ACTN4: variants seen among roughly 807,000 people sequenced by gnomAD.
ACTN4 encodes actinin alpha 4, also known as alpha-actinin-4.
Under a neutral mutation model 114.2 loss-of-function variants are expected in ACTN4, and 18 were observed. The observed-to-expected ratio is 0.16, with a 90% CI of 0.11 to 0.23. ACTN4 has a LOEUF of 0.23. ACTN4 is among the 10% of genes least tolerant of loss of function. The pLI is 1.00. For synonymous variants in ACTN4, 515 were observed against 506.3 expected, an observed-to-expected ratio of 1.02 and a Z score of -0.23; for missense variants, 722 against 1,262.9, an observed-to-expected ratio of 0.57 and a Z score of 6.49.
chr19:38,681,916 C>G (rs909996788), intron 1 of ACTN4, among the ~76,000 whole-genome samples: 1 of 152,132 alleles, frequency 6.6e-6, no homozygotes, highest in South Asian at 2.1e-4. Flanking sequence ...CTGCAGCCTC[C>G]GCCTCCTGGG....
At chr19:38,709,297 C>T in intron 6 of ACTN4, 98 bp from the exon 7 acceptor site, 1 of 907,108 alleles carries the variant, frequency 1.1e-6, no homozygotes, top group Non-Finnish European at 1.9e-6. Context: ...CCAACCCTCG[C>T]CCTCCCGGGT....
chr19:38,728,052 C>G, intron 19 of ACTN4, 26 bp downstream of exon 19: 1 of 1,592,234 alleles, frequency 6.3e-7, no homozygotes, highest in East Asian at 2.3e-5. Context: ...CCCCAGCGGA[C>G]CATGGCATTA....
chr19:38,705,630 C>T (rs567640345), intron 4 of ACTN4, among the ~76,000 whole-genome samples: 1 of 152,330 alleles, frequency 6.6e-6, no homozygotes, highest in East Asian at 1.9e-4. Flanking sequence ...GCCCCCTAGG[C>T]CTCTCTACAG....
chr19:38,705,675 C>T (rs769140327), intron 4 of ACTN4, among the ~76,000 whole-genome samples: 20 of 152,330 alleles, frequency 1.3e-4, no homozygotes, highest in East Asian at 5.8e-4. Flanking sequence ...AGGCCAAGGC[C>T]GGTATCAAGG....
At position 38,672,045 on chromosome 19, in the gene ACTN4, G is replaced by A. The variant is rs563146150; in HGVS notation, c.162+24138G>A. Among the ~76,000 whole-genome samples the A allele has an allele frequency of 3.0e-4, 46 of 152,146 alleles. No individual in the cohort carries two copies. The East Asian group carries it at 6.4e-3, about 21-fold the overall frequency. The stretch of plus-strand genomic sequence containing the variant: ...CCACCCAGAAAAAGAGCTGGGCAGC[G>A]TAGACTTCATTGTCCTGCTGGCCTG... On this transcript the variant is annotated intron_variant, in intron 1 of 20. Coordinates refer to ENST00000252699, the MANE Select transcript of ACTN4 (RefSeq NM_004924.6).
chr19:38,692,171 C>T (rs895062029), intron 1 of ACTN4, among the ~76,000 whole-genome samples: 2 of 152,190 alleles, frequency 1.3e-5, no homozygotes, highest in East Asian at 1.9e-4. Context: ...GGACATAAGA[C>T]GCATTCCATA....
chr19:38,684,424 C>T (rs1338016855), intron 1 of ACTN4, among the ~76,000 whole-genome samples: 2 of 152,268 alleles, frequency 1.3e-5, no homozygotes, highest in African/African-American at 4.8e-5. Context: ...CCCAGTGCTG[C>T]CCCACCCTGG....
At position 38,730,966 on chromosome 19, in the gene ACTN4, T is replaced by C. The variant is rs1036089865; in HGVS notation, c.*1534T>C. On this transcript the variant is annotated 3_prime_UTR_variant, in exon 21 of 21. Coordinates refer to ENST00000252699, the MANE Select transcript of ACTN4 (RefSeq NM_004924.6). ...CCCTGTCCCTCCCACCTGGCTCACCTGTCTGTGGGTCAGGCAGATGACCCC... is the reference window on the plus strand; with the variant it reads ...CCCTGTCCCTCCCACCTGGCTCACCCGTCTGTGGGTCAGGCAGATGACCCC... 5.8e-6 allele frequency: 9 copies of C among 1,550,626 alleles called. No homozygotes were observed. The highest frequency in any genetic ancestry group is 4.1e-5 in the African/African-American group (3 of 73,062).
chr19:38,718,284 T>C (rs751871764), intron 11 of ACTN4: 2 of 884,224 alleles, frequency 2.3e-6, no homozygotes, highest in Non-Finnish European at 3.6e-6. Flanking sequence ...CCCAGCACTT[T>C]GGCAGGCCAA....
In ACTN4 at chr19:38,717,377, T is replaced by C; in HGVS notation, c.1143+61T>C. 3.8e-6 allele frequency: 6 copies of C among 1,574,604 alleles called. No homozygotes were observed. The highest frequency in any genetic ancestry group is 5.2e-6 in the Non-Finnish European group (6 of 1,159,494). The stretch of plus-strand genomic sequence containing the variant: ...GGGCAGAGGCAGCCCTAGAACTGCC[T>C]GTGGGCAGTTTGGCCAGCGTAATCT... On this transcript the variant is annotated intron_variant, in intron 10 of 20. Coordinates refer to ENST00000252699, the MANE Select transcript of ACTN4 (RefSeq NM_004924.6). This position sits in a 1 kb window ranked among gnomAD's most constrained non-coding sequence, Gnocchi z 4.0.
At chr19:38,694,409 G>A (rs542504395) in intron 1 of ACTN4, among the ~76,000 whole-genome samples, 248 of 152,038 alleles carry the variant, frequency 1.6e-3, no homozygotes, top group Non-Finnish European at 3.0e-3. Flanking sequence ...ATAGGAGCCC[G>A]CCACCACGCC....
intron 5 of ACTN4, among the ~76,000 whole-genome samples, chr19:38,706,433 T>C (rs1479293252): frequency 2.0e-5 from 3 of 152,206 alleles, no homozygotes; most frequent in Non-Finnish European, 2.9e-5. Context: ...CTTTTCATTT[T>C]TGAGACAGGG....
At chr19:38,715,557 C>G (rs1446597189) in intron 9 of ACTN4, among the ~76,000 whole-genome samples, 1 of 152,130 alleles carries the variant, frequency 6.6e-6, no homozygotes, top group Non-Finnish European at 1.5e-5. Flanking sequence ...CATCTAGAAC[C>G]AGTGGTTCCC....
chr19:38,699,002 G>A (rs1419038212), intron 1 of ACTN4, among the ~76,000 whole-genome samples: 1 of 152,228 alleles, frequency 6.6e-6, no homozygotes, highest in Non-Finnish European at 1.5e-5. Flanking sequence ...ATGTGCTCTT[G>A]TGTGTCCCTG....
At chr19:38,713,160 A>C (rs1968717410) in intron 8 of ACTN4, among the ~76,000 whole-genome samples, 1 of 152,144 alleles carries the variant, frequency 6.6e-6, no homozygotes, top group African/African-American at 2.4e-5. Context: ...GTCTAGCGCC[A>C]GTGTGCCCAT....
intron 5 of ACTN4, among the ~76,000 whole-genome samples, chr19:38,706,900 C>T (rs1403462420): frequency 2.6e-5 from 4 of 152,220 alleles, no homozygotes; most frequent in Admixed American, 6.5e-5. Context: ...GTAGCTGAGG[C>T]GAGCATGGGC....
chr19:38,678,525 A>G (rs1967449055), intron 1 of ACTN4, among the ~76,000 whole-genome samples: 1 of 152,156 alleles, frequency 6.6e-6, no homozygotes, highest in Admixed American at 6.6e-5. Context: ...TTTGGTGGCC[A>G]TTGTTATTTA....
chr19:38,697,871 G>A (rs1429069253), intron 1 of ACTN4, among the ~76,000 whole-genome samples: 3 of 152,240 alleles, frequency 2.0e-5, no homozygotes, highest in Non-Finnish European at 4.4e-5. Flanking sequence ...CCCATTTGCT[G>A]CTGCCCTTTG....
chr19:38,654,892 G>T (rs1976669450), intron 1 of ACTN4, among the ~76,000 whole-genome samples: 1 of 152,132 alleles, frequency 6.6e-6, no homozygotes, highest in South Asian at 2.1e-4. Context: ...TTTCTTGGTT[G>T]TGATTTATGC....
Sources: gnomAD v4.1 joint callset for allele counts (sites outside exome capture counted in the v4.1 genomes callset) on GRCh38, gnomAD v4.1.1 for gene constraint, Gnocchi (gnomAD v3.1) non-coding constraint, MANE v1.5 for transcripts, NCBI Gene and HGNC (gene_info 2026-07-23, HGNC 2026-07-21) for gene names.